The following MAP4 variants were observed in gnomAD, a reference collection of about 807,000 sequenced individuals.
The protein encoded by MAP4 is microtubule associated protein 4, also known as microtubule-associated protein 4.
In MAP4, 76 loss-of-function variants were observed where a neutral mutation model predicts 170.2. The observed-to-expected ratio is 0.45, with a 90% CI of 0.37 to 0.54. The LOEUF is 0.54. Ranked by LOEUF, MAP4 falls within the 20% of genes least tolerant of loss-of-function variation. The pLI is 0.00. For missense variants in MAP4, 2,506 were observed against 2,748.0 expected, an observed-to-expected ratio of 0.91 and a Z score of 1.97; for synonymous variants, 909 against 994.5, an observed-to-expected ratio of 0.91 and a Z score of 1.62.
intron 3 of MAP4, among the ~76,000 whole-genome samples, chr3:47,968,146 A>T (rs1356762830): frequency 3.9e-5 from 6 of 152,342 alleles, no homozygotes; most frequent in African/African-American, 1.4e-4. Context: ...TGAGCAAACA[A>T]TAGACTACTC....
chr3:47,982,781 A>G (rs926521286), intron 2 of MAP4, among the ~76,000 whole-genome samples: 2 of 151,010 alleles, frequency 1.3e-5, no homozygotes, highest in Non-Finnish European at 2.9e-5. Flanking sequence ...AAATGGAATC[A>G]AATGAAAGTA....
intron 2 of MAP4, among the ~76,000 whole-genome samples, chr3:47,981,785 T>C (rs906247387): frequency 7.2e-5 from 11 of 151,830 alleles, no homozygotes; most frequent in African/African-American, 2.4e-4. Context: ...AAAAAAGCTT[T>C]ATTCCCATAT....
At chr3:47,969,335 G>C (rs1297149836) in intron 3 of MAP4, among the ~76,000 whole-genome samples, 1 of 152,076 alleles carries the variant, frequency 6.6e-6, no homozygotes, top group African/African-American at 2.4e-5. Context: ...AAGCCCTGGA[G>C]GCAGAGGTTG....
rs1372174324 is a variant in MAP4 at position 47,928,309 on chromosome 3, C to T, written c.334G>A (p.Glu112Lys). The change falls in exon 4 of 21, where the codon GAA becomes AAA. Residue 112 changes from glutamate (E) to lysine (K), a missense_variant. Glu to Lys is a moderately conservative substitution (Grantham distance 56). Coordinates refer to ENST00000683076, the MANE Select transcript of MAP4 (RefSeq NM_001385682.1). The stretch of plus-strand genomic sequence containing the variant: ...GGCCAGTTCTGGCTATTTGGGTATT[C>T]CTGGTAGGCCATTTTCTCTTCAAGG... ...EFLEEKMAYQ[E>K]YPNSQNWPED... 2.5e-6 allele frequency: 4 copies of T among 1,614,114 alleles called. No individual in the cohort carries two copies. Among genetic ancestry groups the T allele is most frequent in the Admixed American group, 3.3e-5 (2 of 60,016 alleles).
At chr3:47,862,988 T>G (rs1431646620) in intron 17 of MAP4, among the ~76,000 whole-genome samples, 17 of 151,718 alleles carry the variant, frequency 1.1e-4, no homozygotes, top group East Asian at 1.9e-4. Context: ...TTGGTTTTTG[T>G]TTTTTGAGAC....
chr3:47,957,470 C>CA (rs896731046), intron 3 of MAP4, among the ~76,000 whole-genome samples: 11 of 150,788 alleles, frequency 7.3e-5, no homozygotes, highest in South Asian at 2.1e-4. Context: ...CATGCTTGGC[C>CA]AAAAAAAAAG....
At chr3:47,892,438 G>A (rs1254262357) in intron 10 of MAP4, 3 of 1,536,030 alleles carry the variant, frequency 2.0e-6, no homozygotes, top group South Asian at 1.2e-5. Context: ...TGCCCTTACT[G>A]AGCTGACCGT....
intron 1 of MAP4, among the ~76,000 whole-genome samples, chr3:48,003,550 G>C (rs571321777): frequency 1.3e-5 from 2 of 151,580 alleles, no homozygotes; most frequent in Non-Finnish European, 2.9e-5. Context: ...AACACAAGTT[G>C]AGAAGCTTTG....
At chr3:47,962,364 C>A (rs2100072092) in intron 3 of MAP4, among the ~76,000 whole-genome samples, 1 of 152,198 alleles carries the variant, frequency 6.6e-6, no homozygotes, top group Non-Finnish European at 1.5e-5. Context: ...CCCCACATCA[C>A]CCTGACCTGC....
At chr3:47,897,645 G>A (rs1577250088) in intron 10 of MAP4, among the ~76,000 whole-genome samples, 1 of 151,940 alleles carries the variant, frequency 6.6e-6, no homozygotes, top group Admixed American at 6.6e-5. Context: ...TCTTAAGAAC[G>A]GTCTTGTTTG....
chr3:48,061,773 G>A (rs1221529369), intron 1 of MAP4, among the ~76,000 whole-genome samples: 489 of 107,624 alleles, frequency 4.5e-3, no homozygotes, highest in Middle Eastern at 0.029. Context: ...CCGGCCAGCC[G>A]CCCCGTCCGG....
At chr3:47,854,401 CAG>C (rs1400163848) in intron 19 of MAP4, among the ~76,000 whole-genome samples, 3 of 152,212 alleles carry the variant, frequency 2.0e-5, no homozygotes, top group East Asian at 1.9e-4. Context: ...GAGGATGGGA[CAG>C]GGGACGGGCT....
rs1326112930 is a variant in MAP4, at chr3:47,871,396, G to A, written c.5942-110C>T. 5 of 926,166 alleles carry A rather than the reference G, an allele frequency of 5.4e-6. No individual in the cohort carries two copies. The East Asian group carries it at 1.2e-4, about 23-fold the overall frequency. 57.4% of individuals were successfully genotyped at this position (926,166 alleles called of 1,614,324 possible). A position where few individuals can be genotyped will look rare whatever the true frequency, so the allele number is the denominator to read the frequency against. On this transcript the variant is annotated intron_variant, in intron 13 of 20. Coordinates refer to ENST00000683076, the MANE Select transcript of MAP4 (RefSeq NM_001385682.1). ...AACAATTACTGAATATCTACTTTGA[G>A]CCAGGGACTGTGTTAGTCCCTGGGA...
chr3:48,075,518 C>T (rs1420256854), intron 1 of MAP4, among the ~76,000 whole-genome samples: 1 of 151,808 alleles, frequency 6.6e-6, no homozygotes, highest in East Asian at 1.9e-4. Context: ...CGGAGCAAGA[C>T]TGTCTCAAAA....
chr3:47,909,544 A>T lies in MAP4; in HGVS notation c.4877T>A (p.Leu1626Gln), dbSNP rs369760336. Residue 1626 changes from leucine (L) to glutamine (Q), a missense_variant, in exon 9 of 21, where the codon CTG becomes CAG. Leu to Gln is a moderately radical substitution (Grantham distance 113). Around this residue, in one of 3 missense-constraint regions of MAP4, gnomAD observed 2,008 missense variants for 2,206.0 expected, o/e 0.91. Transcript: ENST00000683076. ...GSVAVQIPDL[L>Q]EDKAQKLSFC... ...ACTGAGCTTTTGTGCTTTGTCTTCCAGTAAGTCAGGAATCTGAACTGCAAC... is the reference window on the plus strand; with the variant it reads ...ACTGAGCTTTTGTGCTTTGTCTTCCTGTAAGTCAGGAATCTGAACTGCAAC... 2 of 1,612,570 alleles carry T rather than the reference A, an allele frequency of 1.2e-6. No individual in the cohort carries two copies. The highest frequency in any genetic ancestry group is 1.7e-6 in the Non-Finnish European group (2 of 1,179,902).
chr3:47,889,756 C>T (rs146359651), intron 10 of MAP4, among the ~76,000 whole-genome samples: 187 of 152,136 alleles, frequency 1.2e-3, no homozygotes, highest in African/African-American at 4.1e-3. Context: ...ATGACAAAGT[C>T]CTGTCCAGGA....
At chr3:48,048,121 GAGAGAA>G (rs1272297544) in intron 1 of MAP4, among the ~76,000 whole-genome samples, 5 of 152,104 alleles carry the variant, frequency 3.3e-5, no homozygotes, top group African/African-American at 1.2e-4. Flanking sequence ...TAAAAAGAGA[GAGAGAA>G]AGAGAAAGTA....
chr3:48,024,193 C>G (rs1055645083), intron 1 of MAP4, among the ~76,000 whole-genome samples: 25 of 152,058 alleles, frequency 1.6e-4, no homozygotes, highest in African/African-American at 5.8e-4. Flanking sequence ...GCCTGTAGTC[C>G]CAGCTACTCG....
chr3:47,860,396 GT>G (rs1173917854), intron 17 of MAP4, among the ~76,000 whole-genome samples: 1 of 152,212 alleles, frequency 6.6e-6, no homozygotes, highest in Non-Finnish European at 1.5e-5. Context: ...GTTTCGCCAA[GT>G]GGCCCAGGCT....
Sources: allele counts gnomAD v4.1 joint callset (sites outside exome capture counted in the v4.1 genomes callset), GRCh38; gene constraint gnomAD v4.1.1; regional missense constraint gnomAD v4.1.1; transcripts MANE v1.5; gene names NCBI Gene and HGNC (gene_info 2026-07-23, HGNC 2026-07-21).